Variants in MYO6 observed in about 807,000 individuals in gnomAD.
MYO6 encodes the protein myosin VI.
In MYO6, 74 loss-of-function variants were observed where a neutral mutation model predicts 178.7. The ratio of observed to expected loss-of-function variants is 0.41; its 90% CI spans 0.34 to 0.50. The LOEUF (loss-of-function observed/expected upper bound fraction) is 0.50. Ranked by LOEUF, MYO6 falls within the 20% of genes least tolerant of loss-of-function variation. The probability of loss-of-function intolerance (pLI) is 0.09; values close to 1 mark genes in which losing one functional copy is unlikely to be tolerated. For synonymous variants in MYO6, 477 were observed against 504.6 expected, an observed-to-expected ratio of 0.95 and a Z score of 0.73; for missense variants, 1,330 against 1,547.4, an observed-to-expected ratio of 0.86 and a Z score of 2.36.
intron 32 of MYO6, among the ~76,000 whole-genome samples, chr6:75,910,889 AATTC>A (rs1554222978): frequency 6.6e-6 from 1 of 152,112 alleles, no homozygotes; most frequent in Non-Finnish European, 1.5e-5. Context: ...TAGAAGGAAC[AATTC>A]ATTAATTTGA....
At chr6:75,909,842 A>G (rs1780629150) in intron 32 of MYO6, among the ~76,000 whole-genome samples, 2 of 152,188 alleles carry the variant, frequency 1.3e-5, no homozygotes, top group South Asian at 4.1e-4. Flanking sequence ...GTTCTTGGTT[A>G]TATTTTGCTT....
intron 5 of MYO6, 75 bp downstream of exon 5, chr6:75,830,620 T>C (rs1772985241): frequency 7.3e-7 from 1 of 1,376,200 alleles, no homozygotes; most frequent in Admixed American, 1.7e-5. Flanking sequence ...TTCTTTTGGA[T>C]TAATAAAAGA....
At chr6:75,813,322 C>A (rs996754287) in intron 1 of MYO6, among the ~76,000 whole-genome samples, 8 of 152,124 alleles carry the variant, frequency 5.3e-5, no homozygotes, top group African/African-American at 9.7e-5. Context: ...ATCCCAAGCC[C>A]ATGGCAAGTA....
In MYO6 at chr6:75,820,324, A is replaced by C. The variant is rs1238553231; in HGVS notation, c.118-2458A>C. ...ATGTTATGTGCTTTGTGTCATTGCT[A>C]ACATTGCTCCTGCCTGGAGTGCCAC... On this transcript the variant is annotated intron_variant, in intron 2 of 34. Transcript: ENST00000369977. Among the ~76,000 whole-genome samples the C allele has an allele frequency of 2.0e-5, 3 of 152,258 alleles. No homozygotes were observed. In the East Asian group the frequency reaches 5.8e-4, roughly 29 times the overall value.
chr6:75,824,547 C>T (rs1174112231), intron 3 of MYO6, among the ~76,000 whole-genome samples: 4 of 152,114 alleles, frequency 2.6e-5, no homozygotes, highest in African/African-American at 9.7e-5. Flanking sequence ...GTGTTATACA[C>T]TTGCACACAC....
chr6:75,791,312 C>T (rs1768224213), intron 1 of MYO6, among the ~76,000 whole-genome samples: 1 of 152,116 alleles, frequency 6.6e-6, no homozygotes, highest in Non-Finnish European at 1.5e-5. Context: ...TAATTTTGAT[C>T]TGTTGCTCAG....
At chr6:75,870,925 A>G (rs1366636867) in intron 19 of MYO6, among the ~76,000 whole-genome samples, 1 of 152,180 alleles carries the variant, frequency 6.6e-6, no homozygotes, top group Non-Finnish European at 1.5e-5. Flanking sequence ...TACAGTTTCA[A>G]GAAAGTGAAA....
In MYO6 at chr6:75,917,891, TTTTACCTGAAG is replaced by T. The variant is rs1329372975; in HGVS notation, c.*2881_*2891del. 6.6e-6 allele frequency: 1 copy of T among 152,634 alleles called. No individual in the cohort carries two copies. The highest frequency in any genetic ancestry group is 1.5e-5 in the Non-Finnish European group (1 of 68,036). The allele number at this position is 152,634 out of a possible 1,614,324, so 9.5% of individuals were successfully genotyped here. ...AAATATGTAGATCATTGGTTTTTTT[TTTTACCTGAAG>T]TAGCTTAAGAGTACTTGGATCAGTA... On this transcript the variant is annotated 3_prime_UTR_variant, in exon 35 of 35. Transcript: ENST00000369977.
chr6:75,763,012 G>C (rs1462312265), intron 1 of MYO6, among the ~76,000 whole-genome samples: 1 of 151,066 alleles, frequency 6.6e-6, no homozygotes, highest in Non-Finnish European at 1.5e-5. Flanking sequence ...ATGAGCCACT[G>C]CATCTGACCT....
chr6:75,761,600 C>T (rs1777952022), intron 1 of MYO6, among the ~76,000 whole-genome samples: 1 of 150,994 alleles, frequency 6.6e-6, no homozygotes, highest in South Asian at 2.1e-4. Context: ...AGAACACACA[C>T]ACACACACAC....
chr6:75,817,523 GGA>G lies in MYO6; in HGVS notation c.-22_-21del. ...CAGGTGACAGTGGATAGTGGAAACA[GGA>G]GATCGTGGATCCTCCTTCAAAAATG... is the stretch of plus-strand genomic sequence containing the variant. On this transcript the variant is annotated 5_prime_UTR_variant, in exon 2 of 35. Transcript: ENST00000369977. The G allele has an allele frequency of 6.3e-7, 1 of 1,580,454 alleles. No homozygotes were observed. The highest frequency in any genetic ancestry group is 2.2e-5 in the East Asian group (1 of 44,732).
At chr6:75,779,360 GGC>G (rs1244569435) in intron 1 of MYO6, among the ~76,000 whole-genome samples, 1 of 152,124 alleles carries the variant, frequency 6.6e-6, no homozygotes, top group East Asian at 1.9e-4. Flanking sequence ...AAATTAGCCA[GGC>G]GTGGTGGCAA....
chr6:75,883,837 G>A (rs966013920), intron 23 of MYO6, among the ~76,000 whole-genome samples: 9 of 152,012 alleles, frequency 5.9e-5, no homozygotes, highest in East Asian at 1.9e-4. Flanking sequence ...AGGATCCAGC[G>A]AATTTTTCCT....
intron 1 of MYO6, among the ~76,000 whole-genome samples, chr6:75,761,104 C>T (rs144651218): frequency 9.1e-4 from 139 of 152,180 alleles, no homozygotes; most frequent in African/African-American, 3.3e-3. Flanking sequence ...TCTTCTTGTT[C>T]ATCTTGGTTG....
At position 75,905,306 on chromosome 6, in the gene MYO6, C is replaced by T. The variant is rs1009266090; in HGVS notation, c.3177-2299C>T. ...CTAAGCAAGCCTGGGCAATGGCGGG[C>T]GCCCCTCCCCCAGCCTCACTGCCGC... On this transcript the variant is annotated intron_variant, in intron 30 of 34. Transcript: ENST00000369977. 5.3e-5 allele frequency among the ~76,000 whole-genome samples: 8 copies of T among 152,290 alleles called. No individual in the cohort carries two copies. The South Asian group carries it at 6.2e-4, about 12-fold the overall frequency.
Position 75,907,552 on chromosome 6 carries a change from A to G in MYO6, c.3177-53A>G, listed in dbSNP as rs1780424350. 5.0e-6 allele frequency: 7 copies of G among 1,389,394 alleles called. No homozygotes were observed. The highest frequency in any genetic ancestry group is 4.6e-5 in the East Asian group (2 of 43,662). The allele number at this position is 1,389,394 out of a possible 1,614,324, so 86.1% of individuals were successfully genotyped here. On this transcript the variant is annotated intron_variant, in intron 30 of 34. Coordinates refer to ENST00000369977, the MANE Select transcript of MYO6 (RefSeq NM_004999.4). The stretch of plus-strand genomic sequence containing the variant: ...GCATGCTTTCTTGCCTCTTTAGTCA[A>G]TGTTTTCTTCATGTTTCTGGTTTAA...
intron 1 of MYO6, among the ~76,000 whole-genome samples, chr6:75,763,602 T>C (rs1000701443): frequency 6.6e-6 from 1 of 152,168 alleles, no homozygotes; most frequent in African/African-American, 2.4e-5. Flanking sequence ...ATGTCATTTG[T>C]TGGATTTGCA....
At chr6:75,813,786 A>G (rs892564307) in intron 1 of MYO6, among the ~76,000 whole-genome samples, 2 of 152,192 alleles carry the variant, frequency 1.3e-5, no homozygotes, top group African/African-American at 2.4e-5. Flanking sequence ...CTTCCCCCCA[A>G]ATCAGTGAGT....
At chr6:75,906,693 A>AAAAACAG in intron 30 of MYO6, among the ~76,000 whole-genome samples, 1 of 152,214 alleles carries the variant, frequency 6.6e-6, no homozygotes, top group Non-Finnish European at 1.5e-5. Context: ...ACAAAAAACA[A>AAAAACAG]AAAACAAACA....
Sources: allele counts gnomAD v4.1 joint callset (sites outside exome capture counted in the v4.1 genomes callset), GRCh38; gene constraint gnomAD v4.1.1; transcripts MANE v1.5; gene names NCBI Gene and HGNC (gene_info 2026-07-23, HGNC 2026-07-21).